GTF2I: variants seen among roughly 807,000 people sequenced by gnomAD.
The protein encoded by GTF2I is general transcription factor IIi, also known as general transcription factor II-I.
GTF2I carries 12 observed loss-of-function variants against 67.6 expected under a neutral mutation model. That is an observed-to-expected ratio of 0.18 (90% CI 0.11 to 0.29). The LOEUF (loss-of-function observed/expected upper bound fraction) is 0.29. Among genes scored for constraint, GTF2I ranks in the 10% least tolerant of loss-of-function variants. The pLI, the probability that GTF2I is intolerant of heterozygous loss-of-function variation, is 1.00. For synonymous variants in GTF2I, 149 were observed against 197.0 expected (o/e 0.76, Z 2.04); for missense variants, 271 against 580.1 (o/e 0.47, Z 5.47).
intron 1 of GTF2I, chr7:74,687,393 T>C (rs1554395785): frequency 6.3e-6 from 1 of 158,822 alleles, no homozygotes; most frequent in African/African-American, 2.4e-5. Flanking sequence ...CCCGGCTATT[T>C]GGAATTTTTA....
intron 1 of GTF2I, among the ~76,000 whole-genome samples, chr7:74,673,078 T>C (rs1185217144): frequency 6.6e-6 from 1 of 152,144 alleles, no homozygotes; most frequent in Non-Finnish European, 1.5e-5. Context: ...GCCAGGATGG[T>C]CTCCATTTCC....
At chr7:74,659,181 C>T (rs1804241854) in intron 1 of GTF2I, among the ~76,000 whole-genome samples, 2 of 152,178 alleles carry the variant, frequency 1.3e-5, no homozygotes, top group Non-Finnish European at 2.9e-5. Context: ...CCTTGGCCCC[C>T]CATAGTGCTG....
intron 12 of GTF2I, among the ~76,000 whole-genome samples, chr7:74,728,273 G>T (rs1554406126): frequency 6.6e-6 from 1 of 152,146 alleles, no homozygotes; most frequent in East Asian, 1.9e-4. Context: ...CTGAACTCCA[G>T]CCTGGGCAAC....
chr7:74,684,578 C>T (rs587649011), intron 1 of GTF2I: 1 of 152,222 alleles, frequency 6.6e-6, no homozygotes, highest in Non-Finnish European at 1.5e-5. Flanking sequence ...CGAATAGTTT[C>T]AACTAAGGAC....
At chr7:74,709,022 G>A (rs1190800728) in intron 8 of GTF2I, among the ~76,000 whole-genome samples, 2 of 152,198 alleles carry the variant, frequency 1.3e-5, no homozygotes, top group South Asian at 2.1e-4. Context: ...TTTAAATGCA[G>A]TGCAAACCTA....
At chr7:74,663,537 C>T (rs1804702130) in intron 1 of GTF2I, among the ~76,000 whole-genome samples, 1 of 152,136 alleles carries the variant, frequency 6.6e-6, no homozygotes, top group South Asian at 2.1e-4. Flanking sequence ...GTGATCCACC[C>T]ACCTCGGCCT....
At chr7:74,688,045 T>C (rs587670730) in intron 1 of GTF2I, among the ~76,000 whole-genome samples, 1 of 152,304 alleles carries the variant, frequency 6.6e-6, no homozygotes, top group Admixed American at 6.5e-5. Flanking sequence ...TGTCTTTATA[T>C]GGTGTATTGT....
intron 12 of GTF2I, 48 bp downstream of exon 12, chr7:74,718,989 A>G: frequency 1.1e-6 from 1 of 944,318 alleles, no homozygotes; most frequent in Non-Finnish European, 1.6e-6. Context: ...CTGGTCATAA[A>G]AATACTTGTC....
At chr7:74,659,367 A>T (rs1414060454) in intron 1 of GTF2I, among the ~76,000 whole-genome samples, 4 of 151,644 alleles carry the variant, frequency 2.6e-5, no homozygotes, top group Non-Finnish European at 4.4e-5. Context: ...GGCTGGGACT[A>T]CAGGCGCATG....
At chr7:74,678,379 G>A (rs1182982197) in intron 1 of GTF2I, among the ~76,000 whole-genome samples, 1 of 152,032 alleles carries the variant, frequency 6.6e-6, no homozygotes, top group Non-Finnish European at 1.5e-5. Flanking sequence ...AAGCATCTAG[G>A]GGTTTAGTGA....
intron 4 of GTF2I, 145 bp from the exon 5 acceptor site, chr7:74,700,102 A>G (rs980527151): frequency 3.7e-6 from 3 of 803,730 alleles, no homozygotes; most frequent in Non-Finnish European, 5.8e-6. Context: ...ACATGGGGAG[A>G]TAGAATGCTG....
intron 1 of GTF2I, among the ~76,000 whole-genome samples, chr7:74,688,159 A>G (rs1397084299): frequency 6.6e-6 from 1 of 151,922 alleles, no homozygotes. Flanking sequence ...GCTCACTGCA[A>G]CCTCCGTCTC....
chr7:74,719,636 A>G (rs1214788184), intron 12 of GTF2I, among the ~76,000 whole-genome samples: 1 of 152,206 alleles, frequency 6.6e-6, no homozygotes, highest in Non-Finnish European at 1.5e-5. Flanking sequence ...TTAATGTCTC[A>G]CAGCTGGGCA....
intron 29 of GTF2I, among the ~76,000 whole-genome samples, 182 bp downstream of exon 29, chr7:74,753,359 C>T (rs1451888985): frequency 6.6e-6 from 1 of 151,462 alleles, no homozygotes; most frequent in East Asian, 1.9e-4. Flanking sequence ...TATTGATTGT[C>T]AGTATGAAAG....
Position 74,675,559 on chromosome 7 carries a change from G to C in GTF2I, c.-5-13565G>C, listed in dbSNP as rs186508920. ...TTTCTTTGAGAGGCTGTTTTTTTTGGGGGGGGCAGAAGGTCAGTTCATAGA... is the reference window on the plus strand; with the variant it reads ...TTTCTTTGAGAGGCTGTTTTTTTTGCGGGGGGCAGAAGGTCAGTTCATAGA... On this transcript the variant is annotated intron_variant, in intron 1 of 34. Coordinates refer to ENST00000573035, the MANE Select transcript of GTF2I (RefSeq NM_032999.4). Among the ~76,000 whole-genome samples the C allele has an allele frequency of 5.6e-4, 85 of 151,986 alleles. 1 individual carries two copies. The highest frequency in any genetic ancestry group is 2.3e-3 in the Admixed American group (35 of 15,238).
Position 74,705,165 on chromosome 7 carries a change from TG to T in GTF2I, c.590del (p.Gly197ValfsTer3). On this transcript the variant is annotated frameshift_variant and splice_region_variant, in exon 7 of 35. Transcript: ENST00000573035. LOFTEE classifies it high-confidence loss of function. ...CCAATTTTTTTTTTTTGTATGTAGG[TG>T]GTCGTGTGATGGTAACAGATGCTGA... Reference protein sequence around the residue: ...PFLEPKKHVGGRVMVTDADRS... With the variant: ...PFLEPKKHVGXRVMVTDADRS... 1 of 1,593,874 alleles carries T rather than the reference TG, an allele frequency of 6.3e-7. No individual in the cohort carries two copies. Among genetic ancestry groups the T allele is most frequent in the Non-Finnish European group, 8.6e-7 (1 of 1,163,866 alleles).
intron 1 of GTF2I, among the ~76,000 whole-genome samples, chr7:74,659,545 C>A (rs58369816): frequency 6.6e-6 from 1 of 152,010 alleles, no homozygotes; most frequent in African/African-American, 2.4e-5. Context: ...GTGCCCACCA[C>A]GCCCGGCTAA....
chr7:74,692,916 C>T (rs781848416), intron 3 of GTF2I, among the ~76,000 whole-genome samples: 100 of 152,126 alleles, frequency 6.6e-4, no homozygotes, highest in Non-Finnish European at 1.2e-3. Flanking sequence ...GCATGCACCA[C>T]CACACCCAGC....
chr7:74,703,540 C>T (rs782020708), intron 6 of GTF2I, among the ~76,000 whole-genome samples: 13 of 152,112 alleles, frequency 8.5e-5, no homozygotes, highest in African/African-American at 2.2e-4. Flanking sequence ...CCACCATGCC[C>T]GGATAACTTT....
Sources: gnomAD v4.1 joint callset for allele counts (sites outside exome capture counted in the v4.1 genomes callset) on GRCh38, gnomAD v4.1.1 for gene constraint, MANE v1.5 for transcripts, NCBI Gene and HGNC (gene_info 2026-07-23, HGNC 2026-07-21) for gene names.